Variants in PLA2G6 observed in about 807,000 individuals in gnomAD.
PLA2G6 encodes the protein phospholipase A2 group VI.
In PLA2G6, 62 loss-of-function variants were observed where a neutral mutation model predicts 83.8. That is an observed-to-expected ratio of 0.74 (90% CI 0.60 to 0.91). The LOEUF is 0.91. PLA2G6 is among the 40% of genes least tolerant of loss of function. PLA2G6 has a pLI of 0.00. For synonymous variants in PLA2G6, 417 were observed against 449.8 expected (o/e 0.93, Z 0.92); for missense variants, 944 against 1,102.0 (o/e 0.86, Z 2.03).
intron 14 of PLA2G6, among the ~76,000 whole-genome samples, chr22:38,114,864 T>C (rs913249810): frequency 6.6e-6 from 1 of 152,168 alleles, no homozygotes; most frequent in Admixed American, 6.5e-5. Context: ...GTAGCTGCAG[T>C]GAGTGCAGGC....
intron 2 of PLA2G6, among the ~76,000 whole-genome samples, chr22:38,165,899 A>G (rs2090194538): frequency 6.6e-6 from 1 of 152,126 alleles, no homozygotes; most frequent in South Asian, 2.1e-4. Context: ...AAATAAAAAT[A>G]AAAATAAAAG....
intron 2 of PLA2G6, among the ~76,000 whole-genome samples, chr22:38,164,189 G>C (rs911361966): frequency 6.6e-6 from 1 of 152,170 alleles, no homozygotes; most frequent in African/African-American, 2.4e-5. Flanking sequence ...GCTCACACGG[G>C]GAGAGCCAGG....
At chr22:38,118,096 A>C (rs1226407206) in intron 12 of PLA2G6, among the ~76,000 whole-genome samples, 1 of 152,114 alleles carries the variant, frequency 6.6e-6, no homozygotes, top group African/African-American at 2.4e-5. Flanking sequence ...GTATGATTCC[A>C]CTTACATAAG....
chr22:38,129,345 C>T (rs1569259839), intron 8 of PLA2G6, 109 bp downstream of exon 8: 28 of 783,632 alleles, frequency 3.6e-5, no homozygotes, highest in South Asian at 3.4e-4. Flanking sequence ...CTGAGCAGGG[C>T]GGGTCAGCAC....
At chr22:38,134,957 G>GCCCCCCCCCCCC in intron 6 of PLA2G6, 31 bp downstream of exon 6, 13 of 995,304 alleles carry the variant, frequency 1.3e-5, no homozygotes, top group East Asian at 9.7e-5. Context: ...CCGGCCCCCT[G>GCCCCCCCCCCCC]CCCCACCCAC....
chr22:38,157,811 G>A (rs2089844481), intron 2 of PLA2G6, among the ~76,000 whole-genome samples: 1 of 152,076 alleles, frequency 6.6e-6, no homozygotes, highest in Non-Finnish European at 1.5e-5. Flanking sequence ...AGGGGCAGGT[G>A]GATCACCTGA....
intron 2 of PLA2G6, among the ~76,000 whole-genome samples, chr22:38,166,911 C>T (rs2090236252): frequency 1.3e-5 from 2 of 152,074 alleles, no homozygotes; most frequent in African/African-American, 4.8e-5. Context: ...TCCTTGCCCA[C>T]CTCCACGGAT....
intron 2 of PLA2G6, among the ~76,000 whole-genome samples, chr22:38,161,467 G>A (rs975293709): frequency 1.3e-5 from 2 of 152,084 alleles, no homozygotes; most frequent in Admixed American, 6.6e-5. Context: ...ACCATCACAC[G>A]AGGGATTGGG....
Position 38,111,852 on chromosome 22 carries a change from G to T in PLA2G6, c.*309C>A. Reference sequence around the variant, plus strand: ...GGCTGGGGCTGGGGGCAGGGGTACGGTTGTGCCCGGGTACCCTTAATGTTT... The same window carrying T: ...GGCTGGGGCTGGGGGCAGGGGTACGTTTGTGCCCGGGTACCCTTAATGTTT... On this transcript the variant is annotated 3_prime_UTR_variant, in exon 17 of 17. Transcript: ENST00000332509. The T allele has an allele frequency of 2.3e-6, 1 of 428,610 alleles. No homozygotes were observed. Among genetic ancestry groups the T allele is most frequent in the Middle Eastern group, 7.2e-4 (1 of 1,394 alleles). The allele number at this position is 428,610 out of a possible 1,614,324, so 26.6% of individuals were successfully genotyped here.
At chr22:38,169,999 A>C (rs1386675993) in intron 1 of PLA2G6, among the ~76,000 whole-genome samples, 1 of 152,056 alleles carries the variant, frequency 6.6e-6, no homozygotes, top group Non-Finnish European at 1.5e-5. Flanking sequence ...GAAATTCGAG[A>C]CCAGCCTGGC....
intron 2 of PLA2G6, among the ~76,000 whole-genome samples, chr22:38,159,638 G>A (rs1277073487): frequency 2.6e-5 from 4 of 152,040 alleles, no homozygotes; most frequent in Non-Finnish European, 5.9e-5. Context: ...GCTGAGGCAG[G>A]AGGATCACTT....
chr22:38,116,851 C>CAAAAAAAA lies in PLA2G6; in HGVS notation c.1743-648_1743-641dup, dbSNP rs57712042. Among the ~76,000 whole-genome samples the CAAAAAAAA allele has an allele frequency of 5.6e-4, 21 of 37,650 alleles. 1 individual carries two copies. The highest frequency in any genetic ancestry group is 1.8e-3 in the South Asian group (1 of 556). The allele number at this position is 37,650 out of a possible 152,430, so 24.7% of individuals were successfully genotyped here. On this transcript the variant is annotated intron_variant, in intron 12 of 16. Transcript: ENST00000332509. ...GGGCGATAAGAGTGAAACTCCGTCT[C>CAAAAAAAA]AAAAAAAAAAAAAAAAAAAAAAAAA...
chr22:38,143,385 C>G (rs1724103014), intron 3 of PLA2G6, 97 bp from the exon 4 acceptor site: 2 of 1,200,436 alleles, frequency 1.7e-6, no homozygotes, highest in African/African-American at 3.0e-5. Context: ...CTCGGAAACT[C>G]GGACTTTCTG....
chr22:38,151,941 C>T (rs1275917896), intron 2 of PLA2G6, among the ~76,000 whole-genome samples: 1 of 152,196 alleles, frequency 6.6e-6, no homozygotes, highest in African/African-American at 2.4e-5. Flanking sequence ...TTACCCTGTG[C>T]TCTACAAGGA....
At chr22:38,113,782 G>T in intron 14 of PLA2G6, 128 bp from the exon 15 acceptor site, 1 of 851,580 alleles carries the variant, frequency 1.2e-6, no homozygotes. Context: ...GGTCTCTGGT[G>T]GCAAGAGCAT....
Position 38,123,060 on chromosome 22 carries a change from C to A in PLA2G6, c.1591+35G>T, listed in dbSNP as rs1295027225. ...GGCCCCTTGAGGACACAGGTCTCAGCCCCGCCTGGCCCCATCCCCAGGGGC... is the reference window on the plus strand; with the variant it reads ...GGCCCCTTGAGGACACAGGTCTCAGACCCGCCTGGCCCCATCCCCAGGGGC... On this transcript the variant is annotated intron_variant, in intron 11 of 16. Coordinates refer to ENST00000332509, the MANE Select transcript of PLA2G6 (RefSeq NM_003560.4). The surrounding 1 kb of genome is among the most constrained non-coding windows in gnomAD (Gnocchi z 4.1). The A allele has an allele frequency of 3.9e-6, 6 of 1,541,282 alleles. No individual in the cohort carries two copies. The highest frequency in any genetic ancestry group is 5.2e-6 in the Non-Finnish European group (6 of 1,143,648).
At position 38,115,527 on chromosome 22, in the gene PLA2G6, C is replaced by T. The variant is rs749757274; in HGVS notation, c.2034G>A (p.Lys678=). Residue 678 remains lysine, a splice_region_variant and synonymous_variant, in exon 14 of 17, where the codon AAG becomes AAA. Coordinates refer to ENST00000332509, the MANE Select transcript of PLA2G6 (RefSeq NM_003560.4). ...AGGCCCTCTGGCCTACGGCACTCAC[C>T]TTGCGGATCAGGTCCTGATTGTACT... ...IHEYNQDLIR[K]GQANKVKKLS... The T allele has an allele frequency of 1.9e-6, 3 of 1,612,986 alleles. No homozygotes were observed. Among genetic ancestry groups the T allele is most frequent in the Non-Finnish European group, 2.5e-6 (3 of 1,179,614 alleles).
intron 15 of PLA2G6, 184 bp from the exon 16 acceptor site, chr22:38,112,761 C>T (rs2086957831): frequency 1.5e-6 from 1 of 646,222 alleles, no homozygotes. Context: ...AGGGACTGTC[C>T]CAGCTGTGCA....
At chr22:38,167,227 C>CA (rs132983) in intron 2 of PLA2G6, among the ~76,000 whole-genome samples, 48,252 of 107,284 alleles carry the variant, frequency 0.45, 9,422 homozygotes, top group South Asian at 0.54. Context: ...GACTCTGTCT[C>CA]AAAAAAAAAA....
Sources: gnomAD v4.1 joint callset for allele counts (sites outside exome capture counted in the v4.1 genomes callset) on GRCh38, gnomAD v4.1.1 for gene constraint, Gnocchi (gnomAD v3.1) non-coding constraint, MANE v1.5 for transcripts, NCBI Gene and HGNC (gene_info 2026-07-23, HGNC 2026-07-21) for gene names.